DOCK3: variants seen among roughly 807,000 people sequenced by gnomAD.
The protein encoded by DOCK3 is dedicator of cytokinesis protein 3.
Under a neutral mutation model 265.6 loss-of-function variants are expected in DOCK3, and 60 were observed. The ratio of observed to expected loss-of-function variants is 0.23; its 90% CI spans 0.18 to 0.28. The LOEUF (loss-of-function observed/expected upper bound fraction) is 0.28. DOCK3 is among the 10% of genes least tolerant of loss of function. The pLI, the probability that DOCK3 is intolerant of heterozygous loss-of-function variation, is 1.00. For missense variants in DOCK3, 1,981 were observed against 2,594.3 expected (o/e 0.76, Z 5.14); for synonymous variants, 881 against 938.0 (o/e 0.94, Z 1.11).
intron 9 of DOCK3, among the ~76,000 whole-genome samples, chr3:51,124,013 T>C (rs1345382341): frequency 6.6e-6 from 1 of 152,088 alleles, no homozygotes; most frequent in South Asian, 2.1e-4. Flanking sequence ...ACTTCATCTA[T>C]GCTTTGACTG....
chr3:51,324,502 G>C (rs2083957841), intron 32 of DOCK3, among the ~76,000 whole-genome samples: 1 of 152,128 alleles, frequency 6.6e-6, no homozygotes, highest in South Asian at 2.1e-4. Context: ...AAACTAATTT[G>C]TAGATTCTAT....
intron 35 of DOCK3, among the ~76,000 whole-genome samples, chr3:51,336,441 A>G (rs2084882054): frequency 6.6e-6 from 1 of 151,930 alleles, no homozygotes; most frequent in African/African-American, 2.4e-5. Flanking sequence ...ACTGAGGGTT[A>G]TGAAGCCTTC....
At chr3:50,814,526 A>G (rs2043957125) in intron 2 of DOCK3, among the ~76,000 whole-genome samples, 1 of 151,970 alleles carries the variant, frequency 6.6e-6, no homozygotes, top group Admixed American at 6.6e-5. Context: ...TTGGCCTCCT[A>G]AAGTGTTGGG....
At chr3:50,694,506 C>T (rs1056395160) in intron 1 of DOCK3, among the ~76,000 whole-genome samples, 5 of 151,838 alleles carry the variant, frequency 3.3e-5, no homozygotes, top group African/African-American at 1.2e-4. Context: ...GGGTGGAGCG[C>T]ATTAAAGAAT....
At chr3:51,195,710 G>A (rs1014067553) in intron 12 of DOCK3, among the ~76,000 whole-genome samples, 6 of 151,694 alleles carry the variant, frequency 4.0e-5, no homozygotes, top group South Asian at 2.1e-4. Context: ...GAGCCACTGC[G>A]CCTGGCCATT....
intron 14 of DOCK3, among the ~76,000 whole-genome samples, chr3:51,219,814 T>C (rs901813745): frequency 6.6e-6 from 1 of 152,184 alleles, no homozygotes; most frequent in African/African-American, 2.4e-5. Flanking sequence ...GAGTGTCAAA[T>C]GAGGCTATGG....
At chr3:51,289,387 C>G (rs1226965546) in intron 27 of DOCK3, among the ~76,000 whole-genome samples, 1 of 152,126 alleles carries the variant, frequency 6.6e-6, no homozygotes, top group African/African-American at 2.4e-5. Flanking sequence ...ATGTAAGCCA[C>G]TGAGTAACTA....
intron 3 of DOCK3, among the ~76,000 whole-genome samples, chr3:50,857,030 G>A (rs555351956): frequency 1.1e-4 from 17 of 152,300 alleles, no homozygotes; most frequent in Admixed American, 6.5e-4. Context: ...AAACCCTTTT[G>A]ATAGTGATTA....
chr3:50,989,379 C>A (rs548920454), intron 5 of DOCK3, among the ~76,000 whole-genome samples: 3 of 152,126 alleles, frequency 2.0e-5, no homozygotes, highest in Non-Finnish European at 4.4e-5. Flanking sequence ...GTACAGCTAG[C>A]AGTCAGGGGG....
At chr3:51,119,867 C>CT (rs1241770432) in intron 9 of DOCK3, among the ~76,000 whole-genome samples, 2 of 151,848 alleles carry the variant, frequency 1.3e-5, no homozygotes, top group African/African-American at 4.8e-5. Context: ...TTCCTCTAAC[C>CT]TTTTTTCAAG....
intron 23 of DOCK3, 142 bp from the exon 24 acceptor site, chr3:51,270,672 TC>T (rs2080447022): frequency 1.3e-6 from 1 of 776,268 alleles, no homozygotes; most frequent in South Asian, 2.0e-5. Context: ...AGTGCTGTAG[TC>T]AGTGGCCAGG....
intron 1 of DOCK3, among the ~76,000 whole-genome samples, chr3:50,688,292 G>A (rs1182180667): frequency 6.6e-6 from 1 of 152,104 alleles, no homozygotes; most frequent in Non-Finnish European, 1.5e-5. Context: ...AAACTCCAAA[G>A]GCTTGTCTTT....
At chr3:51,138,809 CAT>C (rs1363624791) in intron 9 of DOCK3, among the ~76,000 whole-genome samples, 1 of 152,170 alleles carries the variant, frequency 6.6e-6, no homozygotes, top group Non-Finnish European at 1.5e-5. Flanking sequence ...CTTCGAAAGA[CAT>C]AAACTTCCTG....
At position 51,356,439 on chromosome 3, in the gene DOCK3, G is replaced by C; in HGVS notation, c.4449G>C (p.Leu1483=). 6.2e-7 allele frequency: 1 copy of C among 1,612,916 alleles called. No individual in the cohort carries two copies. The highest frequency in any genetic ancestry group is 1.3e-5 in the African/African-American group (1 of 74,656). The part of the protein sequence containing the change: ...SLWIERTTLT[L]THSLPGISRW... ...GGATTGAACGTACCACACTGACCCT[G>C]ACCCACAGCTTGCCTGGCATCTCTC... The change falls in exon 43 of 53, where the codon CTG becomes CTC. Residue 1483 remains leucine, a synonymous_variant. Coordinates refer to ENST00000266037, the MANE Select transcript of DOCK3 (RefSeq NM_004947.5).
rs181613436 is a variant in DOCK3, at chr3:50,876,237, A to G, written c.163-13789A>G. 2.0e-5 allele frequency among the ~76,000 whole-genome samples: 3 copies of G among 152,286 alleles called. No homozygotes were observed. The East Asian group carries it at 5.8e-4, about 29-fold the overall frequency. On this transcript the variant is annotated intron_variant, in intron 3 of 52. Transcript: ENST00000266037. ...CATGTATTCAACTCAAGCTTTATCT[A>G]CTTAAATTAGTTTTATTTGCCTCCC... is the stretch of plus-strand genomic sequence containing the variant.
At position 50,686,252 on chromosome 3, in the gene DOCK3, G is replaced by A. The variant is rs111801262; in HGVS notation, c.37+10952G>A. ...TCAATGCCTTAATCTCGCTTTGGTTGCCATCACTGCAGAAAACTCTGCTGC... is the reference window on the plus strand; with the variant it reads ...TCAATGCCTTAATCTCGCTTTGGTTACCATCACTGCAGAAAACTCTGCTGC... On this transcript the variant is annotated intron_variant, in intron 1 of 52. Coordinates refer to ENST00000266037, the MANE Select transcript of DOCK3 (RefSeq NM_004947.5). Among the ~76,000 whole-genome samples the A allele has an allele frequency of 4.6e-5, 7 of 152,138 alleles. 2 individuals are homozygous for A. The highest frequency in any genetic ancestry group is 1.7e-4 in the African/African-American group (7 of 41,508).
chr3:50,870,033 T>A (rs2047361424), intron 3 of DOCK3, among the ~76,000 whole-genome samples: 1 of 152,186 alleles, frequency 6.6e-6, no homozygotes, highest in African/African-American at 2.4e-5. Flanking sequence ...TGTTTTGTGA[T>A]CTAGTTTGTC....
chr3:50,866,275 A>G (rs1234021381), intron 3 of DOCK3, among the ~76,000 whole-genome samples: 2 of 152,072 alleles, frequency 1.3e-5, no homozygotes, highest in Non-Finnish European at 2.9e-5. Context: ...TCACGAGGTC[A>G]GGAGATTGAG....
At chr3:50,798,759 C>T (rs1233066446) in intron 2 of DOCK3, among the ~76,000 whole-genome samples, 2 of 151,826 alleles carry the variant, frequency 1.3e-5, no homozygotes, top group Admixed American at 1.3e-4. Flanking sequence ...TTTATTTTTG[C>T]TTGTGTTGCT....
Sources: allele counts gnomAD v4.1 joint callset (sites outside exome capture counted in the v4.1 genomes callset), GRCh38; gene constraint gnomAD v4.1.1; transcripts MANE v1.5; gene names NCBI Gene and HGNC (gene_info 2026-07-23, HGNC 2026-07-21).